Variants in DENND1B observed in about 807,000 individuals in gnomAD.
DENND1B encodes the protein DENN domain-containing protein 1B.
In DENND1B, 59 loss-of-function variants were observed where a neutral mutation model predicts 90.1. That is an observed-to-expected ratio of 0.65 (90% CI 0.53 to 0.81). The LOEUF (loss-of-function observed/expected upper bound fraction) is 0.81, where lower values mean the gene tolerates loss of function less well. Ranked by LOEUF, DENND1B falls within the 40% of genes least tolerant of loss-of-function variation. DENND1B has a pLI of 0.00. For synonymous variants in DENND1B, 337 were observed against 324.6 expected (o/e 1.04, Z -0.41); for missense variants, 862 against 912.6 (o/e 0.94, Z 0.71).
chr1:197,623,018 T>C (rs529158984), intron 10 of DENND1B, among the ~76,000 whole-genome samples: 2 of 151,358 alleles, frequency 1.3e-5, no homozygotes, highest in South Asian at 2.1e-4. Context: ...CAGGTAAAGG[T>C]ATCATATAGA....
chr1:197,512,731 T>C (rs1668116254), intron 21 of DENND1B, 140 bp downstream of exon 21: 2 of 657,344 alleles, frequency 3.0e-6, no homozygotes, highest in Non-Finnish European at 5.1e-6. Flanking sequence ...CCAGGAGCAC[T>C]GGGTCCTTTT....
At chr1:197,542,085 T>C (rs929030705) in intron 18 of DENND1B, among the ~76,000 whole-genome samples, 4 of 152,162 alleles carry the variant, frequency 2.6e-5, no homozygotes, top group African/African-American at 9.7e-5. Flanking sequence ...ACTTACCAAT[T>C]TGAAGCTTAA....
chr1:197,739,528 A>G (rs1443445979), intron 2 of DENND1B, among the ~76,000 whole-genome samples: 1 of 152,208 alleles, frequency 6.6e-6, no homozygotes, highest in African/African-American at 2.4e-5. Flanking sequence ...CTTCTAAATA[A>G]CCCAACGGTC....
intron 13 of DENND1B, among the ~76,000 whole-genome samples, chr1:197,597,571 C>T (rs1675818550): frequency 1.3e-5 from 2 of 151,926 alleles, no homozygotes; most frequent in African/African-American, 4.8e-5. Flanking sequence ...AACACATATG[C>T]TCACTAAGAA....
intron 2 of DENND1B, among the ~76,000 whole-genome samples, chr1:197,739,399 A>T (rs1663007056): frequency 6.6e-6 from 1 of 152,252 alleles, no homozygotes; most frequent in Admixed American, 6.5e-5. Flanking sequence ...CCATAAAGCA[A>T]GTCCTAACTG....
intron 2 of DENND1B, among the ~76,000 whole-genome samples, chr1:197,731,689 T>C (rs778419291): frequency 1.3e-5 from 2 of 152,042 alleles, no homozygotes; most frequent in Admixed American, 1.3e-4. Context: ...TAAAATATAC[T>C]AAAAATAGCT....
intron 2 of DENND1B, among the ~76,000 whole-genome samples, chr1:197,732,306 G>T (rs1180301750): frequency 1.3e-5 from 2 of 152,066 alleles, no homozygotes; most frequent in East Asian, 3.9e-4. Flanking sequence ...GCCCACCTAT[G>T]TGTTTCACGT....
At chr1:197,546,085 G>T in intron 17 of DENND1B, 95 bp from the exon 18 acceptor site, 3 of 954,262 alleles carry the variant, frequency 3.1e-6, no homozygotes, top group Non-Finnish European at 3.1e-6. Flanking sequence ...TAAAAAAAGG[G>T]CTTTACTCAC....
chr1:197,577,010 G>C (rs1318933302), intron 15 of DENND1B, among the ~76,000 whole-genome samples: 1 of 152,026 alleles, frequency 6.6e-6, no homozygotes, highest in African/African-American at 2.4e-5. Context: ...TTCTAGATGA[G>C]GCTCTTGGAT....
chr1:197,758,646 G>T (rs74688795), intron 2 of DENND1B, among the ~76,000 whole-genome samples: 1 of 152,012 alleles, frequency 6.6e-6, no homozygotes, highest in Non-Finnish European at 1.5e-5. Flanking sequence ...TTCAACTCTC[G>T]GTCCAGTATC....
intron 10 of DENND1B, among the ~76,000 whole-genome samples, chr1:197,629,593 G>T (rs1475045724): frequency 4.0e-5 from 6 of 151,074 alleles, no homozygotes; most frequent in African/African-American, 1.2e-4. Context: ...TGAGTTAATG[G>T]GTGCAGCCCA....
chr1:197,633,383 A>G (rs976924563), intron 10 of DENND1B, among the ~76,000 whole-genome samples: 1 of 152,136 alleles, frequency 6.6e-6, no homozygotes, highest in African/African-American at 2.4e-5. Context: ...ATCTGTGAAA[A>G]TGGATCTGGA....
chr1:197,666,737 G>A (rs957286460), intron 5 of DENND1B, among the ~76,000 whole-genome samples: 1 of 152,186 alleles, frequency 6.6e-6, no homozygotes, highest in Admixed American at 6.5e-5. Context: ...TGTTATAAAG[G>A]AAGCTGGCCT....
intron 5 of DENND1B, among the ~76,000 whole-genome samples, chr1:197,670,483 G>A (rs1037171398): frequency 6.6e-6 from 1 of 150,550 alleles, no homozygotes; most frequent in Non-Finnish European, 1.5e-5. Flanking sequence ...GTGTGTGTGT[G>A]TATTGAGAGA....
chr1:197,756,432 G>A (rs144187225), intron 2 of DENND1B, among the ~76,000 whole-genome samples: 1,717 of 152,082 alleles, frequency 0.011, 34 homozygotes, highest in African/African-American at 0.039. Flanking sequence ...AAAATTAGCT[G>A]GGTGTGGTGG....
chr1:197,628,723 A>G (rs1223943614), intron 10 of DENND1B, among the ~76,000 whole-genome samples: 1 of 152,122 alleles, frequency 6.6e-6, no homozygotes, highest in African/African-American at 2.4e-5. Flanking sequence ...AAAAACTACC[A>G]TCAGAGTGAA....
chr1:197,570,378 A>ATAAG (rs1368597349), intron 15 of DENND1B, among the ~76,000 whole-genome samples: 1 of 152,196 alleles, frequency 6.6e-6, no homozygotes, highest in African/African-American at 2.4e-5. Flanking sequence ...TTATCAAATA[A>ATAAG]TAAGTACTCA....
intron 10 of DENND1B, among the ~76,000 whole-genome samples, chr1:197,641,418 G>A (rs1034835853): frequency 6.6e-6 from 1 of 152,056 alleles, no homozygotes; most frequent in Non-Finnish European, 1.5e-5. Context: ...ACATCTCTAA[G>A]ATGTGTAAGA....
intron 20 of DENND1B, among the ~76,000 whole-genome samples, chr1:197,530,868 C>T (rs1669564177): frequency 6.6e-6 from 1 of 152,078 alleles, no homozygotes; most frequent in Non-Finnish European, 1.5e-5. Context: ...TTGTTTTGCT[C>T]AATGTTAAAT....
Sources: gnomAD v4.1 joint callset for allele counts (sites outside exome capture counted in the v4.1 genomes callset) on GRCh38, gnomAD v4.1.1 for gene constraint, MANE v1.5 for transcripts, NCBI Gene and HGNC (gene_info 2026-07-23, HGNC 2026-07-21) for gene names.